The following PTPRD variants were observed in gnomAD, a reference collection of about 807,000 sequenced individuals.
PTPRD encodes the protein protein tyrosine phosphatase receptor type D, also known as receptor-type tyrosine-protein phosphatase delta.
PTPRD carries 34 observed loss-of-function variants against 214.5 expected under a neutral mutation model. That is an observed-to-expected ratio of 0.16 (90% CI 0.12 to 0.21). The LOEUF (loss-of-function observed/expected upper bound fraction) is 0.21, where lower values mean the gene tolerates loss of function less well. Among genes scored for constraint, PTPRD ranks in the 10% least tolerant of loss-of-function variants. PTPRD has a pLI of 1.00. For missense variants in PTPRD, 2,545 were observed against 2,398.7 expected (o/e 1.06, Z -1.27); for synonymous variants, 1,128 against 845.7 (o/e 1.33, Z -5.79).
intron 8 of PTPRD, among the ~76,000 whole-genome samples, chr9:9,472,670 T>C (rs1484725350): frequency 6.6e-6 from 1 of 152,178 alleles, no homozygotes; most frequent in African/African-American, 2.4e-5. Flanking sequence ...GTTATCACTA[T>C]AAAGCAGGTG....
At chr9:9,615,372 G>C (rs546315987) in intron 7 of PTPRD, among the ~76,000 whole-genome samples, 3 of 152,130 alleles carry the variant, frequency 2.0e-5, no homozygotes, top group Non-Finnish European at 4.4e-5. Context: ...AAAGGGTGGC[G>C]TGTTTGTGAA....
At chr9:9,936,019 A>G (rs1287468684) in intron 5 of PTPRD, among the ~76,000 whole-genome samples, 1 of 150,444 alleles carries the variant, frequency 6.6e-6, no homozygotes, top group Non-Finnish European at 1.5e-5. Flanking sequence ...AAAACTGGCT[A>G]GCCATATGTA....
intron 9 of PTPRD, among the ~76,000 whole-genome samples, chr9:9,286,879 T>C (rs1279888527): frequency 1.2e-3 from 4 of 3,474 alleles, no homozygotes; most frequent in African/African-American, 3.4e-3. Flanking sequence ...ACTGAATATA[T>C]ATATATATAT....
At chr9:9,439,087 G>C (rs1368048771) in intron 8 of PTPRD, among the ~76,000 whole-genome samples, 1 of 151,924 alleles carries the variant, frequency 6.6e-6, no homozygotes, top group Admixed American at 6.6e-5. Context: ...TCCTTTCAAA[G>C]ATAAGAATTC....
At chr9:10,453,489 A>T (rs949444438) in intron 2 of PTPRD, among the ~76,000 whole-genome samples, 2 of 151,544 alleles carry the variant, frequency 1.3e-5, no homozygotes, top group Non-Finnish European at 3.0e-5. Context: ...TCTTCCCTCA[A>T]TGTTTTATAG....
intron 3 of PTPRD, among the ~76,000 whole-genome samples, chr9:10,206,720 T>G (rs2099483810): frequency 1.3e-5 from 2 of 152,198 alleles, no homozygotes; most frequent in African/African-American, 4.8e-5. Context: ...CTAGATGGTG[T>G]TATCCATTCA....
intron 11 of PTPRD, among the ~76,000 whole-genome samples, chr9:8,819,143 T>C (rs2096986717): frequency 6.6e-6 from 1 of 152,194 alleles, no homozygotes; most frequent in South Asian, 2.1e-4. Context: ...TCACTATCTT[T>C]GGTGATAAAT....
At chr9:10,215,829 A>C (rs1019886627) in intron 3 of PTPRD, among the ~76,000 whole-genome samples, 1 of 152,042 alleles carries the variant, frequency 6.6e-6, no homozygotes, top group Non-Finnish European at 1.5e-5. Context: ...TAAAAAGTAT[A>C]ATTTGAAGTA....
At chr9:10,139,673 G>T (rs560967481) in intron 3 of PTPRD, among the ~76,000 whole-genome samples, 1 of 152,062 alleles carries the variant, frequency 6.6e-6, no homozygotes, top group African/African-American at 2.4e-5. Flanking sequence ...CCATCACAAG[G>T]CTAGGACAAA....
intron 9 of PTPRD, among the ~76,000 whole-genome samples, chr9:9,189,093 A>G (rs141912682): frequency 9.6e-4 from 146 of 152,180 alleles, no homozygotes; most frequent in African/African-American, 3.3e-3. Context: ...ATGGGAATAC[A>G]ATTCCATTAT....
chr9:8,514,751 G>A (rs79682572), intron 21 of PTPRD, among the ~76,000 whole-genome samples: 2 of 152,032 alleles, frequency 1.3e-5, no homozygotes, highest in East Asian at 1.9e-4. Flanking sequence ...AATTTAAAAG[G>A]TAATGGTAGT....
rs1334697767 is a variant in PTPRD, at chr9:8,652,309, T to A, written c.65-15465A>T. Among the ~76,000 whole-genome samples the A allele has an allele frequency of 2.6e-5, 4 of 152,230 alleles. No individual in the cohort carries two copies. In the East Asian group the frequency reaches 7.7e-4, roughly 29 times the overall value. The stretch of plus-strand genomic sequence containing the variant: ...CCTAATTTAACTATTGCAGGCAACA[T>A]CATAGCAATTTAAGTTGGTTTTGTG... On this transcript the variant is annotated intron_variant, in intron 12 of 45. Coordinates refer to ENST00000381196, the MANE Select transcript of PTPRD (RefSeq NM_002839.4).
chr9:9,310,873 G>A (rs932952088), intron 9 of PTPRD, among the ~76,000 whole-genome samples: 5 of 151,624 alleles, frequency 3.3e-5, no homozygotes, highest in African/African-American at 9.7e-5. Context: ...AGCCAAGATC[G>A]CGCCATTGCA....
intron 21 of PTPRD, among the ~76,000 whole-genome samples, chr9:8,517,435 G>A (rs769250244): frequency 3.3e-5 from 5 of 152,076 alleles, no homozygotes; most frequent in Non-Finnish European, 5.9e-5. Context: ...AAATACCCAA[G>A]GCCCTGTAAC....
At chr9:9,302,980 T>G (rs542948662) in intron 9 of PTPRD, among the ~76,000 whole-genome samples, 1 of 152,004 alleles carries the variant, frequency 6.6e-6, no homozygotes, top group Admixed American at 6.6e-5. Flanking sequence ...TTAGATTCTA[T>G]GCTATTCAAG....
intron 9 of PTPRD, among the ~76,000 whole-genome samples, chr9:9,288,812 C>A (rs1660085162): frequency 6.6e-6 from 1 of 151,724 alleles, no homozygotes. Flanking sequence ...GGGGCAGTTA[C>A]CCTCGTGATG....
intron 3 of PTPRD, among the ~76,000 whole-genome samples, chr9:10,177,666 T>C (rs966304003): frequency 6.6e-6 from 1 of 151,908 alleles, no homozygotes; most frequent in Admixed American, 6.6e-5. Flanking sequence ...ATTGGAGATA[T>C]AGTTTAAAGG....
At chr9:10,098,135 T>C (rs200690495) in intron 3 of PTPRD, among the ~76,000 whole-genome samples, 3 of 151,692 alleles carry the variant, frequency 2.0e-5, no homozygotes, top group African/African-American at 4.8e-5. Flanking sequence ...AAATGTGGCA[T>C]ATATACACCA....
intron 8 of PTPRD, among the ~76,000 whole-genome samples, chr9:9,546,674 CTG>C (rs983588748): frequency 6.6e-6 from 1 of 151,724 alleles, no homozygotes; most frequent in Non-Finnish European, 1.5e-5. Flanking sequence ...CCAGTAGATT[CTG>C]TGTTTATAGT....
Sources: gnomAD v4.1 joint callset for allele counts (sites outside exome capture counted in the v4.1 genomes callset) on GRCh38, gnomAD v4.1.1 for gene constraint, MANE v1.5 for transcripts, NCBI Gene and HGNC (gene_info 2026-07-23, HGNC 2026-07-21) for gene names.